Variants in CD1B observed in about 807,000 individuals in gnomAD.
CD1B encodes T-cell surface glycoprotein CD1b.
CD1B carries 43 observed loss-of-function variants against 39.8 expected under a neutral mutation model. The observed-to-expected ratio is 1.08, with a 90% confidence interval of 0.85 to 1.39. The LOEUF is 1.39. CD1B is among the 40% of genes most tolerant of loss of function. The pLI, the probability that CD1B is intolerant of heterozygous loss-of-function variation, is 0.00. For synonymous variants in CD1B, 192 were observed against 152.5 expected (o/e 1.26, Z -1.91); for missense variants, 495 against 403.8 (o/e 1.23, Z -1.94).
the CD1B span, chr1:158,291,328 T>C: frequency 1.2e-6 from 2 of 1,614,036 alleles, no homozygotes; most frequent in Non-Finnish European, 1.7e-6. Context: ...AGACCTAGAG[T>C]TGTTATTTCG....
chr1:158,324,720 C>T (rs751178773), downstream of CD1B, among the ~76,000 whole-genome samples: 7 of 152,058 alleles, frequency 4.6e-5, no homozygotes, highest in East Asian at 1.9e-4. Context: ...CAGTAATTTC[C>T]GTATCACATT....
chr1:158,298,512 T>C, the CD1B span, among the ~76,000 whole-genome samples: 1 of 152,214 alleles, frequency 6.6e-6, no homozygotes, highest in Non-Finnish European at 1.5e-5. Context: ...TCTTTTTGAT[T>C]TCATATGAAA....
chr1:158,324,490 T>C (rs1652281495), downstream of CD1B, among the ~76,000 whole-genome samples: 1 of 152,236 alleles, frequency 6.6e-6, no homozygotes, highest in Non-Finnish European at 1.5e-5. Flanking sequence ...ATAGTGGGAT[T>C]AGATGAATAC....
the CD1B span, among the ~76,000 whole-genome samples, chr1:158,312,865 C>T: frequency 6.6e-6 from 1 of 152,156 alleles, no homozygotes; most frequent in African/African-American, 2.4e-5. Context: ...ATTACCCTGG[C>T]TAGGAGTTCC....
the CD1B span, among the ~76,000 whole-genome samples, chr1:158,322,213 A>G: frequency 3.9e-5 from 6 of 152,150 alleles, no homozygotes; most frequent in African/African-American, 9.7e-5. Context: ...AATGTTAGAT[A>G]TCCCAAATTT....
At chr1:158,323,393 T>A (rs149732185), downstream of CD1B, among the ~76,000 whole-genome samples, 4 of 152,232 alleles carry the variant, frequency 2.6e-5, no homozygotes, top group East Asian at 7.7e-4. Flanking sequence ...CTGAACTGCT[T>A]TTCTCTGTGT....
At chr1:158,289,966 G>C in the CD1B span, 1 of 1,063,122 alleles carries the variant, frequency 9.4e-7, no homozygotes, top group Non-Finnish European at 1.4e-6. Context: ...GAAGATTGTT[G>C]GTAGAAGGAA....
intron 2 of CD1B, 48 bp downstream of exon 2, chr1:158,330,748 G>A (rs756937546): frequency 1.1e-5 from 17 of 1,592,876 alleles, no homozygotes; most frequent in Admixed American, 6.7e-5. Context: ...AAAAAAGAGA[G>A]AAAAGAGAGT....
Position 158,328,056 on chromosome 1 carries a change from A to C in CD1B, c.*180T>G, listed in dbSNP as rs774232046. The C allele has an allele frequency of 1.7e-6, 1 of 575,428 alleles. No homozygotes were observed. The highest frequency in any genetic ancestry group is 3.1e-6 in the Non-Finnish European group (1 of 323,712). The allele number at this position is 575,428 out of a possible 1,614,324, so 35.6% of individuals were successfully genotyped here. A position where few individuals can be genotyped will look rare whatever the true frequency, so the allele number is the denominator to read the frequency against. ...ACACTGTTAGTACAGTCTCATAATA[A>C]ATTTACAGTTTTAAGTACTTTTTTG... is the stretch of plus-strand genomic sequence containing the variant. On this transcript the variant is annotated 3_prime_UTR_variant, in exon 6 of 6. Transcript: ENST00000368168.
At chr1:158,312,828 A>T in the CD1B span, among the ~76,000 whole-genome samples, 1 of 152,154 alleles carries the variant, frequency 6.6e-6, no homozygotes, top group Non-Finnish European at 1.5e-5. Context: ...TTTTAATTGT[A>T]TGCCCCGTAT....
the CD1B span, chr1:158,293,495 C>G: frequency 2.5e-6 from 4 of 1,614,000 alleles, no homozygotes; most frequent in African/African-American, 2.7e-5. Context: ...CCCCTGACTC[C>G]CCCATTGTGT....
the CD1B span, among the ~76,000 whole-genome samples, chr1:158,320,307 T>C: frequency 1.3e-5 from 2 of 152,164 alleles, no homozygotes; most frequent in African/African-American, 4.8e-5. Flanking sequence ...AGCAATCAGC[T>C]AGACTCTGTG....
Position 158,328,132 on chromosome 1 carries a change from A to C in CD1B, c.*104T>G. 1 of 902,514 alleles carries C rather than the reference A, an allele frequency of 1.1e-6. No homozygotes were observed. The highest frequency in any genetic ancestry group is 1.8e-6 in the Non-Finnish European group (1 of 564,822). 55.9% of individuals were successfully genotyped at this position (902,514 alleles called of 1,614,324 possible). ...TAAAATACATGAAAACTCTGATTTC[A>C]TCAAATTTGAAAATCATTTGAAATA... On this transcript the variant is annotated 3_prime_UTR_variant, in exon 6 of 6. Transcript: ENST00000368168.
rs1370257172 is a variant in CD1B, at chr1:158,329,404, G to C, written c.852C>G (p.Ser284Arg). The change falls in exon 4 of 6, where the codon AGC becomes AGG. Residue 284 changes from serine to arginine, a missense_variant. Physicochemically the swap from Ser to Arg is moderately radical, Grantham distance 110 (BLOSUM62 -1). Transcript: ENST00000368168. The part of the protein sequence containing the change: ...AAGLSCRVKH[S>R]SLEGQDIILY... ...GGATGATGTCCTGGCCCTCTAAACTGCTGTGCTTCACCCGACAGGACAGGC... is the reference window on the plus strand; with the variant it reads ...GGATGATGTCCTGGCCCTCTAAACTCCTGTGCTTCACCCGACAGGACAGGC... 1 of 1,613,948 alleles carries C rather than the reference G, an allele frequency of 6.2e-7. No homozygotes were observed. Among genetic ancestry groups the C allele is most frequent in the Non-Finnish European group, 8.5e-7 (1 of 1,180,020 alleles).
At chr1:158,309,384 G>A in the CD1B span, among the ~76,000 whole-genome samples, 1 of 152,150 alleles carries the variant, frequency 6.6e-6, no homozygotes, top group Non-Finnish European at 1.5e-5. Context: ...CTGTTGGTGG[G>A]ACTGTAAACT....
At chr1:158,292,379 G>C in the CD1B span, 2 of 1,604,890 alleles carry the variant, frequency 1.2e-6, no homozygotes, top group Non-Finnish European at 1.7e-6. Flanking sequence ...AGTAGTTTCA[G>C]CCCCTTCCTC....
chr1:158,290,797 A>T, the CD1B span, among the ~76,000 whole-genome samples: 1 of 152,212 alleles, frequency 6.6e-6, no homozygotes, highest in Non-Finnish European at 1.5e-5. Context: ...TTCCGCTGCT[A>T]GTTCTTCTCC....
chr1:158,302,448 C>T, the CD1B span, among the ~76,000 whole-genome samples: 2 of 151,246 alleles, frequency 1.3e-5, no homozygotes, highest in Admixed American at 1.3e-4. Context: ...CAGAGCTGAA[C>T]TAAATAAAAC....
chr1:158,294,121 T>A, the CD1B span, among the ~76,000 whole-genome samples: 19 of 152,202 alleles, frequency 1.2e-4, no homozygotes, highest in Non-Finnish European at 8.8e-5. Context: ...GAATTACAAA[T>A]GCAAATAGAC....
Sources: allele counts gnomAD v4.1 joint callset (sites outside exome capture counted in the v4.1 genomes callset), GRCh38; gene constraint gnomAD v4.1.1; transcripts MANE v1.5; gene names NCBI Gene and HGNC (gene_info 2026-07-23, HGNC 2026-07-21).